Variants in C8B observed in about 807,000 individuals in gnomAD.
The protein encoded by C8B is complement component C8 beta chain.
A neutral mutation model predicts 64.6 loss-of-function variants in C8B; 67 were observed. The ratio of observed to expected loss-of-function variants is 1.04; its 90% CI spans 0.85 to 1.27. The LOEUF is 1.27. Ranked by LOEUF, C8B falls within the 50% of genes most tolerant of loss-of-function variation. C8B has a pLI of 0.00. For missense variants in C8B, 790 were observed against 725.2 expected (o/e 1.09, Z -1.03); for synonymous variants, 284 against 257.7 (o/e 1.10, Z -0.98).
At chr1:56,945,434 A>C (rs190425867) in intron 7 of C8B, among the ~76,000 whole-genome samples, 1 of 152,220 alleles carries the variant, frequency 6.6e-6, no homozygotes, top group Non-Finnish European at 1.5e-5. Flanking sequence ...AAAGAAAGTC[A>C]AAAGTTCTCT....
chr1:56,963,590 G>C (rs1570410622), intron 1 of C8B, among the ~76,000 whole-genome samples: 1 of 84,456 alleles, frequency 1.2e-5, no homozygotes, highest in East Asian at 5.5e-4. Flanking sequence ...GGGGGGTGGT[G>C]GGGGGTGGGG....
At chr1:56,956,986 G>T (rs1645113719) in intron 2 of C8B, 76 bp from the exon 3 acceptor site, 21 of 1,552,870 alleles carry the variant, frequency 1.4e-5, no homozygotes, top group Non-Finnish European at 1.9e-5. Context: ...CTGTGTAAAT[G>T]GGTCTTGAGC....
Position 56,945,856 on chromosome 1 carries a change from G to T in C8B, c.1070C>A (p.Thr357Asn). The change falls in exon 7 of 12, where the codon ACC becomes AAC. Residue 357 changes from threonine to asparagine, a missense_variant. Physicochemically the swap from Thr to Asn is moderately conservative, Grantham distance 65. Transcript: ENST00000371237. Reference sequence around the variant, plus strand: ...CATGGCCTCTTTGTTCATAACGAGGGTGTATTCATAAATGCCCCCAAGCAC... The same window carrying T: ...CATGGCCTCTTTGTTCATAACGAGGTTGTATTCATAAATGCCCCCAAGCAC... ...EAVLGGIYEY[T>N]LVMNKEAMER... 2 of 1,614,070 alleles carry T rather than the reference G, an allele frequency of 1.2e-6. No individual in the cohort carries two copies. The highest frequency in any genetic ancestry group is 1.7e-6 in the Non-Finnish European group (2 of 1,180,006).
intron 3 of C8B, 152 bp downstream of exon 3, chr1:56,956,617 T>C: frequency 7.7e-6 from 6 of 778,444 alleles, no homozygotes; most frequent in South Asian, 7.0e-5. Context: ...AAATAATGCA[T>C]GTGAAAGGAG....
chr1:56,950,630 G>A (rs533102286), intron 5 of C8B, among the ~76,000 whole-genome samples: 34 of 152,292 alleles, frequency 2.2e-4, no homozygotes, highest in Non-Finnish European at 3.7e-4. Context: ...GGAGCAGTTC[G>A]GACATGGTCT....
At chr1:56,943,641 G>A (rs867799050) in intron 8 of C8B, 55 bp downstream of exon 8, 1 of 1,605,356 alleles carries the variant, frequency 6.2e-7, no homozygotes, top group Middle Eastern at 1.7e-4. Context: ...AATCACCAGA[G>A]GCACTAGGAG....
rs201686818 is a variant in C8B, at chr1:56,945,980, C to G, written c.946G>C (p.Glu316Gln). 1 of 1,613,984 alleles carries G rather than the reference C, an allele frequency of 6.2e-7. No homozygotes were observed. The change falls in exon 7 of 12, where the codon GAG becomes CAG. Residue 316 changes from glutamate to glutamine, a missense_variant. Glu to Gln is a conservative substitution (Grantham distance 29). Coordinates refer to ENST00000371237, the MANE Select transcript of C8B (RefSeq NM_000066.4). ...AGCCGCTTAACTCTCTGAAGGAACT[C>G]GTAATGGAGCATGAGGCTTCTGGGT... ...LKPRSLMLHY[E>Q]FLQRVKRLPL...
In C8B at chr1:56,952,130, T is replaced by C. The variant is rs1443432105; in HGVS notation, c.584A>G (p.Tyr195Cys). The C allele has an allele frequency of 1.2e-6, 2 of 1,614,176 alleles. No individual in the cohort carries two copies. The highest frequency in any genetic ancestry group is 2.2e-5 in the East Asian group (1 of 44,876). ...SFEGPVLDHR[Y>C]YAGGCSPHYI... ...ATGCGGGGAGCATCCACCTGCATAA[T>C]ACCTGTGATCAAGAACTGGGCCCTC... Residue 195 changes from tyrosine (Y) to cysteine (C), a missense_variant, in exon 5 of 12, where the codon TAT becomes TGT. By Grantham distance (194) the Tyr-to-Cys change is radical. Transcript: ENST00000371237.
At chr1:56,944,972 A>AT (rs1424296936) in intron 7 of C8B, among the ~76,000 whole-genome samples, 1 of 152,236 alleles carries the variant, frequency 6.6e-6, no homozygotes, top group African/African-American at 2.4e-5. Context: ...AAGAGCTGGG[A>AT]TATCTCTATG....
intron 11 of C8B, 101 bp downstream of exon 11, chr1:56,931,709 G>T: frequency 1.3e-6 from 1 of 764,550 alleles, no homozygotes. Flanking sequence ...TGGATCTCAG[G>T]TTTCCTAGTA....
chr1:56,954,341 G>A (rs1229365900), intron 4 of C8B, among the ~76,000 whole-genome samples: 2 of 152,144 alleles, frequency 1.3e-5, no homozygotes, highest in African/African-American at 4.8e-5. Flanking sequence ...AAGAATGTAA[G>A]GCTTAGAAAG....
chr1:56,934,828 G>A (rs936972468), intron 9 of C8B, among the ~76,000 whole-genome samples: 3 of 152,130 alleles, frequency 2.0e-5, no homozygotes, highest in Non-Finnish European at 2.9e-5. Flanking sequence ...AGGGGAGCTT[G>A]CTTTACACCA....
intron 7 of C8B, 70 bp from the exon 8 acceptor site, chr1:56,943,894 G>A: frequency 6.4e-7 from 1 of 1,569,306 alleles, no homozygotes; most frequent in Non-Finnish European, 8.7e-7. Context: ...CTATGATCGA[G>A]TCCAGAGGCC....
chr1:56,940,001 C>G (rs1644827089), intron 9 of C8B, among the ~76,000 whole-genome samples: 1 of 123,160 alleles, frequency 8.1e-6, no homozygotes, highest in Non-Finnish European at 1.7e-5. Context: ...ATGTCTTGTC[C>G]TGTAAGATAG....
At position 56,964,980 on chromosome 1, in the gene C8B, C is replaced by T. The variant is rs578128952; in HGVS notation, c.92+877G>A. Among the ~76,000 whole-genome samples, 21 of 152,272 alleles carry T rather than the reference C, an allele frequency of 1.4e-4. No homozygotes were observed. The South Asian group carries it at 3.1e-3, about 23-fold the overall frequency. On this transcript the variant is annotated intron_variant, in intron 1 of 11. Transcript: ENST00000371237. ...TATTGAGTGGCCAATAGATAGTGAACGAATGCTCATCATCCTGTGGTTCCT... is the reference window on the plus strand; with the variant it reads ...TATTGAGTGGCCAATAGATAGTGAATGAATGCTCATCATCCTGTGGTTCCT...
At chr1:56,929,592 C>A (rs763839051) in intron 11 of C8B, 34 bp from the exon 12 acceptor site, 1 of 1,606,360 alleles carries the variant, frequency 6.2e-7, no homozygotes, top group South Asian at 1.1e-5. Flanking sequence ...CATCAATCAG[C>A]ACTTCTTATA....
chr1:56,931,783 C>T (rs1570368485), intron 11 of C8B, 27 bp downstream of exon 11: 2 of 1,533,256 alleles, frequency 1.3e-6, no homozygotes, highest in South Asian at 1.1e-5. Context: ...CTGGACCTCC[C>T]CAGAGTTCCT....
In C8B at chr1:56,956,899, G is replaced by T. The variant is rs374795894; in HGVS notation, c.261C>A (p.Ala87=). 1.2e-6 allele frequency: 2 copies of T among 1,613,980 alleles called. No homozygotes were observed. Among genetic ancestry groups the T allele is most frequent in the African/African-American group, 2.7e-5 (2 of 74,918 alleles). The change falls in exon 3 of 12, where the codon GCC becomes GCA. Residue 87 remains alanine (A), a synonymous_variant. Coordinates refer to ENST00000371237, the MANE Select transcript of C8B (RefSeq NM_000066.4). ...DPCQKKRYRY[A]YLLQPSQFHG... ...GGAACTGAGAGGGCTGGAGCAAGTAGGCATACCTGTACTGTAGCAGAGAGG... is the reference window on the plus strand; with the variant it reads ...GGAACTGAGAGGGCTGGAGCAAGTATGCATACCTGTACTGTAGCAGAGAGG...
Position 56,949,582 on chromosome 1 carries a change from A to G in C8B, c.837T>C (p.Ile279=). Residue 279 remains isoleucine, a synonymous_variant, in exon 6 of 12, where the codon ATT becomes ATC. Coordinates refer to ENST00000371237, the MANE Select transcript of C8B (RefSeq NM_000066.4). ...TATGAGAGAATCGTTTGGTTCTCCT[A>G]ATATAGTGTTTGCCTCGATCACTTT... ...SSQSDRGKHY[I]RRTKRFSHTK... The G allele has an allele frequency of 6.2e-7, 1 of 1,613,988 alleles. No homozygotes were observed.
Sources: allele counts gnomAD v4.1 joint callset (sites outside exome capture counted in the v4.1 genomes callset), GRCh38; gene constraint gnomAD v4.1.1; transcripts MANE v1.5; gene names NCBI Gene and HGNC (gene_info 2026-07-23, HGNC 2026-07-21).